The following DDR2 variants were observed in gnomAD, a reference collection of about 807,000 sequenced individuals.
DDR2 encodes the protein discoidin domain receptor tyrosine kinase 2.
DDR2 carries 27 observed loss-of-function variants against 94.9 expected under a neutral mutation model. The ratio of observed to expected loss-of-function variants is 0.28; its 90% CI spans 0.21 to 0.39. The LOEUF (loss-of-function observed/expected upper bound fraction) is 0.39. Ranked by LOEUF, DDR2 falls within the 10% of genes least tolerant of loss-of-function variation. The pLI is 1.00. For synonymous variants in DDR2, 382 were observed against 377.2 expected, an observed-to-expected ratio of 1.01 and a Z score of -0.15; for missense variants, 783 against 1,076.0, an observed-to-expected ratio of 0.73 and a Z score of 3.81.
chr1:162,657,631 A>G (rs1393442166), intron 2 of DDR2, among the ~76,000 whole-genome samples: 3 of 152,144 alleles, frequency 2.0e-5, no homozygotes, highest in Non-Finnish European at 4.4e-5. Flanking sequence ...GGGAACTCTG[A>G]CACAGATATT....
chr1:162,631,012 A>G (rs1181722733), upstream of DDR2, among the ~76,000 whole-genome samples: 1 of 152,022 alleles, frequency 6.6e-6, no homozygotes, highest in African/African-American at 2.4e-5. Context: ...AATCATTTCC[A>G]TGGCTGCCCT....
chr1:162,766,214 C>T lies in DDR2; in HGVS notation c.1162+151C>T, dbSNP rs1432546794. 1.8e-5 allele frequency: 14 copies of T among 777,586 alleles called. No individual in the cohort carries two copies. In the Admixed American group the frequency reaches 2.6e-4, roughly 14 times the overall value. The allele number at this position is 777,586 out of a possible 1,614,324, so 48.2% of individuals were successfully genotyped here. ...AGCCCTGGAAAGGTAGGACTGTCTA[C>T]CTCCAAGTTATGGATCCAAATATAC... On this transcript the variant is annotated intron_variant, in intron 10 of 17. Coordinates refer to ENST00000367921, the MANE Select transcript of DDR2 (RefSeq NM_006182.4).
At position 162,699,982 on chromosome 1, in the gene DDR2, C is replaced by CTA. The variant is rs1660357530; in HGVS notation, c.-27-19055_-27-19054insTA. Among the ~76,000 whole-genome samples the CTA allele has an allele frequency of 9.2e-5, 14 of 152,264 alleles. 1 individual carries two copies. In the South Asian group the frequency reaches 2.9e-3, roughly 32 times the overall value. ...CTCAATTTGTTAGGAAATGGATTTC[C>CTA]CATGCATGCCCTAACTATAATCATA... On this transcript the variant is annotated intron_variant, in intron 2 of 17. Transcript: ENST00000367921.
intron 17 of DDR2, 56 bp downstream of exon 17, chr1:162,778,785 A>G: frequency 6.2e-7 from 1 of 1,611,970 alleles, no homozygotes. Context: ...AGGATGGAGA[A>G]TGGCAAGTCC....
intron 1 of DDR2, among the ~76,000 whole-genome samples, chr1:162,635,303 T>G (rs960263321): frequency 9.0e-6 from 1 of 110,622 alleles, no homozygotes; most frequent in Non-Finnish European, 2.2e-5. Context: ...ATGAAAAAAT[T>G]GGAGCGGCCA....
At position 162,772,088 on chromosome 1, in the gene DDR2, G is replaced by T; in HGVS notation, c.1569G>T (p.Glu523Asp). Reference protein sequence around the residue: ...SGPEGVPHYAEADIVNLQGVT... With the variant: ...SGPEGVPHYADADIVNLQGVT... ...CTGAGGGGGTGCCCCACTATGCAGA[G>T]GCTGACATAGTGAACCTCCAAGGAG... The change falls in exon 13 of 18, where the codon GAG becomes GAT. Residue 523 changes from glutamate to aspartate, a missense_variant. Around this residue, in one of 2 missense-constraint regions of DDR2, gnomAD observed 264 missense variants for 428.2 expected, o/e 0.62. Transcript: ENST00000367921. 4 of 1,614,010 alleles carry T rather than the reference G, an allele frequency of 2.5e-6. No individual in the cohort carries two copies. The highest frequency in any genetic ancestry group is 3.4e-6 in the Non-Finnish European group (4 of 1,180,002).
rs183611832 is a variant in DDR2, at chr1:162,705,693, C to T, written c.-27-13344C>T. ...AGCTGAGCCCATTCTGGGTATGGGA[C>T]GATTGCTTAGGCCCTGGGGTGATGA... is the stretch of plus-strand genomic sequence containing the variant. On this transcript the variant is annotated intron_variant, in intron 2 of 17. Coordinates refer to ENST00000367921, the MANE Select transcript of DDR2 (RefSeq NM_006182.4). 9.2e-5 allele frequency among the ~76,000 whole-genome samples: 14 copies of T among 152,242 alleles called. No homozygotes were observed. The South Asian group carries it at 1.7e-3, about 18-fold the overall frequency.
At chr1:162,673,608 TGA>T (rs10684469) in intron 2 of DDR2, among the ~76,000 whole-genome samples, 3,121 of 116,810 alleles carry the variant, frequency 0.027, 18 homozygotes, top group East Asian at 0.039. Flanking sequence ...TGTGTGTGTG[TGA>T]GAGAGAGAGA....
intron 2 of DDR2, among the ~76,000 whole-genome samples, chr1:162,688,132 A>G (rs964470801): frequency 2.0e-5 from 3 of 152,234 alleles, no homozygotes; most frequent in African/African-American, 7.2e-5. Flanking sequence ...GCTTCTACCA[A>G]TGGGAATACG....
rs1340799460 is a variant in DDR2 at position 162,632,515 on chromosome 1, C to T, written c.-308C>T. 6 of 152,194 alleles carry T rather than the reference C, an allele frequency of 3.9e-5. No homozygotes were observed. The highest frequency in any genetic ancestry group is 2.0e-4 in the Admixed American group (3 of 15,280). 9.4% of individuals were successfully genotyped at this position (152,194 alleles called of 1,614,324 possible). ...ATGTATGCCTACCACCGGGCTCCTT[C>T]ACCAGCAAAGTGGAAAAAGAAGCGT... On this transcript the variant is annotated 5_prime_UTR_variant, in exon 1 of 18. Coordinates refer to ENST00000367921, the MANE Select transcript of DDR2 (RefSeq NM_006182.4).
intron 2 of DDR2, among the ~76,000 whole-genome samples, chr1:162,682,162 C>T (rs761622987): frequency 1.7e-4 from 26 of 152,092 alleles, no homozygotes; most frequent in Non-Finnish European, 3.4e-4. Flanking sequence ...GGGTGGGGGT[C>T]CATGTTTATC....
chr1:162,771,340 C>T (rs1664257349), intron 12 of DDR2, among the ~76,000 whole-genome samples: 2 of 151,962 alleles, frequency 1.3e-5, no homozygotes, highest in East Asian at 3.9e-4. Flanking sequence ...GCAGACAGGA[C>T]TAAATTCAAG....
chr1:162,754,748 G>A lies in DDR2; in HGVS notation c.310G>A (p.Gly104Arg), dbSNP rs1663374009. 1.2e-6 allele frequency: 2 copies of A among 1,613,978 alleles called. No homozygotes were observed. The highest frequency in any genetic ancestry group is 1.3e-5 in the African/African-American group (1 of 74,894). Reference protein sequence around the residue: ...LHFITLVGTQGRHAGGHGIEF... With the variant: ...LHFITLVGTQRRHAGGHGIEF... Reference sequence around the variant, plus strand: ...TTTTATCACTCTGGTGGGGACCCAGGGGCGCCATGCAGGAGGTCATGGCAT... The same window carrying A: ...TTTTATCACTCTGGTGGGGACCCAGAGGCGCCATGCAGGAGGTCATGGCAT... The change falls in exon 5 of 18, where the codon GGG (glycine) becomes AGG (arginine). Residue 104 changes from glycine (G) to arginine (R), a missense_variant. Gly to Arg is a moderately radical substitution (Grantham distance 125). Transcript: ENST00000367921.
chr1:162,749,680 A>G (rs1663078740), intron 3 of DDR2, among the ~76,000 whole-genome samples: 1 of 152,198 alleles, frequency 6.6e-6, no homozygotes, highest in East Asian at 1.9e-4. Context: ...TCCTGAAACC[A>G]AAGACTAGCA....
At chr1:162,679,338 G>A (rs925029968) in intron 2 of DDR2, among the ~76,000 whole-genome samples, 4 of 151,892 alleles carry the variant, frequency 2.6e-5, no homozygotes, top group Non-Finnish European at 5.9e-5. Context: ...AGGATAATGA[G>A]ATCATGTTCT....
intron 16 of DDR2, among the ~76,000 whole-genome samples, 183 bp from the exon 17 acceptor site, chr1:162,778,397 A>T (rs1053870651): frequency 5.3e-5 from 8 of 152,180 alleles, no homozygotes; most frequent in African/African-American, 1.9e-4. Flanking sequence ...GAGAAACAGA[A>T]CCAAGCTGAG....
chr1:162,720,312 C>A (rs76809804), intron 3 of DDR2, among the ~76,000 whole-genome samples: 1 of 152,054 alleles, frequency 6.6e-6, no homozygotes, highest in Non-Finnish European at 1.5e-5. Flanking sequence ...CTTCCAGTAA[C>A]TTTTCTCACC....
rs1003168736 is a variant in DDR2, at chr1:162,632,489, G to A, written c.-334G>A. ...CAAAGGCATCTTGCATCAGCCTGTG[G>A]ATGTATGCCTACCACCGGGCTCCTT... On this transcript the variant is annotated 5_prime_UTR_variant, in exon 1 of 18. Transcript: ENST00000367921. 3 of 152,150 alleles carry A rather than the reference G, an allele frequency of 2.0e-5. No individual in the cohort carries two copies. Among genetic ancestry groups the A allele is most frequent in the African/African-American group, 7.2e-5 (3 of 41,432 alleles). 9.4% of individuals were successfully genotyped at this position (152,150 alleles called of 1,614,324 possible).
At chr1:162,633,425 T>G (rs1048695409) in intron 1 of DDR2, among the ~76,000 whole-genome samples, 1 of 152,174 alleles carries the variant, frequency 6.6e-6, no homozygotes, top group Non-Finnish European at 1.5e-5. Flanking sequence ...TTCAGCACCA[T>G]TTTGCCGATC....
Sources: allele counts gnomAD v4.1 joint callset (sites outside exome capture counted in the v4.1 genomes callset), GRCh38; gene constraint gnomAD v4.1.1; regional missense constraint gnomAD v4.1.1; transcripts MANE v1.5; gene names NCBI Gene and HGNC (gene_info 2026-07-23, HGNC 2026-07-21).